MCM3AP: variants seen among roughly 807,000 people sequenced by gnomAD.
The protein encoded by MCM3AP is germinal-center associated nuclear protein.
MCM3AP carries 126 observed loss-of-function variants against 184.1 expected under a neutral mutation model. The observed-to-expected ratio is 0.68, with a 90% CI of 0.59 to 0.79. MCM3AP has a LOEUF of 0.79. Among genes scored for constraint, MCM3AP ranks in the 30% least tolerant of loss-of-function variants. The probability of loss-of-function intolerance (pLI) is 0.00; values close to 1 mark genes in which losing one functional copy is unlikely to be tolerated. For synonymous variants in MCM3AP, 1,002 were observed against 979.3 expected (o/e 1.02, Z -0.43); for missense variants, 2,496 against 2,479.2 (o/e 1.01, Z -0.14).
At chr21:46,254,643 C>G in intron 18 of MCM3AP, 117 bp from the exon 19 acceptor site, 1 of 1,450,694 alleles carries the variant, frequency 6.9e-7, no homozygotes, top group African/African-American at 1.4e-5. Context: ...AGAGATTGAA[C>G]TGCAAACTAG....
At chr21:46,262,058 T>A (rs1410327775) in intron 13 of MCM3AP, among the ~76,000 whole-genome samples, 2 of 152,138 alleles carry the variant, frequency 1.3e-5, no homozygotes, top group African/African-American at 4.8e-5. Flanking sequence ...CTGTACTTGT[T>A]TGGCTGCCAG....
At position 46,261,419 on chromosome 21, in the gene MCM3AP, G is replaced by C. The variant is rs758435428; in HGVS notation, c.3336-8C>G. The C allele has an allele frequency of 1.2e-6, 2 of 1,613,330 alleles. No individual in the cohort carries two copies. The highest frequency in any genetic ancestry group is 2.7e-5 in the African/African-American group (2 of 74,894). ...ATAGCAGCATTAGAAACACTAAACG[G>C]AGCAAAGGGGATAGCATTCAAAATC... On this transcript the variant is annotated splice_polypyrimidine_tract_variant and splice_region_variant and intron_variant, in intron 13 of 27. Transcript: ENST00000291688.
At chr21:46,267,300 G>GAGAT in intron 9 of MCM3AP, 158 bp from the exon 10 acceptor site, 1 of 647,190 alleles carries the variant, frequency 1.5e-6, no homozygotes. Context: ...CCCAAGCTTA[G>GAGAT]AGATCATAGG....
At chr21:46,246,216 T>C (rs2080764901) in intron 22 of MCM3AP, 91 bp downstream of exon 22, 2 of 781,780 alleles carry the variant, frequency 2.6e-6, no homozygotes, top group Non-Finnish European at 4.4e-6. Context: ...AAAAAGACAA[T>C]GCAAACGCTA....
Position 46,284,300 on chromosome 21 carries a change from C to A in MCM3AP, c.987G>T (p.Leu329=). 1 of 1,614,220 alleles carries A rather than the reference C, an allele frequency of 6.2e-7. No homozygotes were observed. The highest frequency in any genetic ancestry group is 1.1e-5 in the South Asian group (1 of 91,084). Residue 329 remains leucine, a synonymous_variant, in exon 1 of 28, where the codon CTG becomes CTT. Transcript: ENST00000291688. ...ATAAAGTACCTCCCCGGGGTCGATT[C>A]AGGCGGACAGGTCGTTTGTCTGGAG... is the stretch of plus-strand genomic sequence containing the variant. ...DHPPDKRPVR[L]NRPRGGTLFG... is the part of the protein sequence containing the mutation.
chr21:46,248,188 A>G (rs1323910972), intron 20 of MCM3AP, among the ~76,000 whole-genome samples: 1 of 152,168 alleles, frequency 6.6e-6, no homozygotes, highest in Non-Finnish European at 1.5e-5. Context: ...GGTGAAGTTC[A>G]GAGCCTGACC....
chr21:46,250,665 T>G (rs1028488143), intron 20 of MCM3AP: 1 of 152,114 alleles, frequency 6.6e-6, no homozygotes, highest in Non-Finnish European at 1.5e-5. Context: ...AGCTGGGAAG[T>G]AGATACCCTT....
At position 46,277,676 on chromosome 21, in the gene MCM3AP, A is replaced by T; in HGVS notation, c.1709T>A (p.Phe570Tyr). 1 of 1,605,658 alleles carries T rather than the reference A, an allele frequency of 6.2e-7. No individual in the cohort carries two copies. The highest frequency in any genetic ancestry group is 1.1e-5 in the South Asian group (1 of 89,912). ...KKPSLLKAHQ[F>Y]EGDSFDSASE... The stretch of plus-strand genomic sequence containing the variant: ...GGCTGAGTCAAAAGAGTCTCCCTCG[A>T]ATTGGTGGGCCTTTAGAAGACTTGG... The change falls in exon 5 of 28, where the codon TTC (phenylalanine) becomes TAC (tyrosine). Residue 570 changes from phenylalanine to tyrosine, a missense_variant. Physicochemically the swap from Phe to Tyr is conservative, Grantham distance 22 (BLOSUM62 3). Transcript: ENST00000291688.
At chr21:46,255,462 G>C (rs1483148829) in intron 17 of MCM3AP, among the ~76,000 whole-genome samples, 1 of 152,140 alleles carries the variant, frequency 6.6e-6, no homozygotes, top group East Asian at 1.9e-4. Context: ...GGGGCCCAGG[G>C]TGGAAGCTGG....
intron 5 of MCM3AP, among the ~76,000 whole-genome samples, chr21:46,275,939 T>C (rs1222011308): frequency 3.3e-5 from 5 of 152,174 alleles, no homozygotes; most frequent in Non-Finnish European, 5.9e-5. Context: ...TATATACTTA[T>C]TGTTTTCATG....
chr21:46,245,792 C>T (rs1320891801), intron 22 of MCM3AP, among the ~76,000 whole-genome samples: 1 of 152,138 alleles, frequency 6.6e-6, no homozygotes. Flanking sequence ...GGAGCCACCA[C>T]GCCCAGCTTC....
chr21:46,263,848 C>T (rs934525085), intron 13 of MCM3AP, among the ~76,000 whole-genome samples: 4 of 130,362 alleles, frequency 3.1e-5, no homozygotes, highest in African/African-American at 1.1e-4. Flanking sequence ...ACAGATTCAA[C>T]GCAATCCCTA....
In MCM3AP at chr21:46,272,629, G is replaced by C; in HGVS notation, c.2397C>G (p.Phe799Leu). The change falls in exon 8 of 28, where the codon TTC becomes TTG. Residue 799 changes from phenylalanine (F) to leucine (L), a missense_variant. Physicochemically the swap from Phe to Leu is conservative, Grantham distance 22. Around this residue, in one of 5 missense-constraint regions of MCM3AP, gnomAD observed 105 missense variants for 97.1 expected, o/e 1.08. Transcript: ENST00000291688. Reference protein sequence around the residue: ...MYQDLRNKGVFCASEAEFQGY... With the variant: ...MYQDLRNKGVLCASEAEFQGY... ...CCTGGAACTCCGCTTCGCTGGCACA[G>C]AAGACACCCTTGTTTCTCAGGTCCT... 1 of 1,614,212 alleles carries C rather than the reference G, an allele frequency of 6.2e-7. No homozygotes were observed. The highest frequency in any genetic ancestry group is 1.3e-5 in the African/African-American group (1 of 75,058).
At chr21:46,246,128 T>C (rs939537049) in intron 22 of MCM3AP, among the ~76,000 whole-genome samples, 179 bp downstream of exon 22, 2 of 152,224 alleles carry the variant, frequency 1.3e-5, no homozygotes, top group Admixed American at 1.3e-4. Context: ...GAAGATTGCA[T>C]GAGCCCTGTA....
chr21:46,243,816 GTTGAGA>G, intron 23 of MCM3AP, 94 bp from the exon 24 acceptor site: 2 of 1,308,156 alleles, frequency 1.5e-6, no homozygotes, highest in Middle Eastern at 2.5e-4. Flanking sequence ...CAACTGTGAA[GTTGAGA>G]AGTCTGCTTT....
intron 15 of MCM3AP, 130 bp from the exon 16 acceptor site, chr21:46,259,221 C>A: frequency 1.2e-6 from 1 of 805,070 alleles, no homozygotes; most frequent in Non-Finnish European, 1.9e-6. Context: ...TTTGGAAGGC[C>A]GAAGCGGGTG....
intron 13 of MCM3AP, among the ~76,000 whole-genome samples, chr21:46,262,142 G>A (rs1468946289): frequency 1.3e-5 from 2 of 152,182 alleles, no homozygotes; most frequent in African/African-American, 4.8e-5. Context: ...AAAAATGTGA[G>A]TAGACCTATA....
At chr21:46,260,605 T>C (rs932888663) in intron 15 of MCM3AP, among the ~76,000 whole-genome samples, 188 bp downstream of exon 15, 6 of 152,220 alleles carry the variant, frequency 3.9e-5, no homozygotes, top group Non-Finnish European at 8.8e-5. Flanking sequence ...AGAGAATTTT[T>C]TATAATAAAA....
intron 18 of MCM3AP, 23 bp from the exon 19 acceptor site, chr21:46,254,549 G>T: frequency 1.2e-6 from 2 of 1,613,674 alleles, no homozygotes; most frequent in Non-Finnish European, 8.5e-7. Context: ...GACCACCGTG[G>T]ATTAGCCAGT....
Sources: gnomAD v4.1 joint callset for allele counts (sites outside exome capture counted in the v4.1 genomes callset) on GRCh38, gnomAD v4.1.1 for gene constraint, gnomAD v4.1.1 regional missense constraint, MANE v1.5 for transcripts, NCBI Gene and HGNC (gene_info 2026-07-23, HGNC 2026-07-21) for gene names.